Variants in DACH1 observed in about 807,000 individuals in gnomAD.
DACH1 encodes the protein dachshund family transcription factor 1.
DACH1 carries 12 observed loss-of-function variants against 54.2 expected under a neutral mutation model. That is an observed-to-expected ratio of 0.22 (90% confidence interval 0.14 to 0.36). The LOEUF (loss-of-function observed/expected upper bound fraction) is 0.36, where lower values mean the gene tolerates loss of function less well. DACH1 is among the 10% of genes least tolerant of loss of function. DACH1 has a pLI of 1.00. For missense variants in DACH1, 805 were observed against 929.8 expected, an observed-to-expected ratio of 0.87 and a Z score of 1.75; for synonymous variants, 386 against 366.2, an observed-to-expected ratio of 1.05 and a Z score of -0.62.
At chr13:71,656,921 C>CATATATATATAT (rs71123235) in intron 2 of DACH1, among the ~76,000 whole-genome samples, 3,348 of 83,184 alleles carry the variant, frequency 0.04, 124 homozygotes, top group East Asian at 0.068. Flanking sequence ...GTTCTTCTTT[C>CATATATATATAT]ATATATATAT....
chr13:71,455,675 T>G (rs181779831), intron 10 of DACH1, among the ~76,000 whole-genome samples: 1 of 152,082 alleles, frequency 6.6e-6, no homozygotes, highest in Non-Finnish European at 1.5e-5. Context: ...TTTAATGAAC[T>G]GACAAAAAGC....
intron 7 of DACH1, among the ~76,000 whole-genome samples, chr13:71,479,625 T>C (rs1877864658): frequency 6.6e-6 from 1 of 152,100 alleles, no homozygotes; most frequent in South Asian, 2.1e-4. Flanking sequence ...GGGCAGCACA[T>C]AAGCATGTCT....
chr13:71,645,145 G>A (rs1487262271), intron 2 of DACH1, among the ~76,000 whole-genome samples: 1 of 152,166 alleles, frequency 6.6e-6, no homozygotes, highest in African/African-American at 2.4e-5. Context: ...TTTTACGCAA[G>A]AAACCATAAA....
At position 71,505,524 on chromosome 13, in the gene DACH1, ATGAT is replaced by A. The variant is rs371011479; in HGVS notation, c.1571-16380_1571-16377del. Among the ~76,000 whole-genome samples, 28 of 152,236 alleles carry A rather than the reference ATGAT, an allele frequency of 1.8e-4. No homozygotes were observed. In the East Asian group the frequency reaches 4.2e-3, roughly 23 times the overall value. The stretch of plus-strand genomic sequence containing the variant: ...TGTGTGTTTGTGTGTGTATACCTAA[ATGAT>A]TGCACACCACACATACACTTAGTTA... On this transcript the variant is annotated intron_variant, in intron 6 of 10. Transcript: ENST00000613252.
intron 1 of DACH1, among the ~76,000 whole-genome samples, chr13:71,687,577 T>C (rs1000848608): frequency 6.6e-6 from 1 of 152,208 alleles, no homozygotes; most frequent in Non-Finnish European, 1.5e-5. Context: ...CGTTTCTCTG[T>C]CATAAACATA....
chr13:71,630,612 G>T lies in DACH1; in HGVS notation c.1070C>A (p.Ala357Asp). 3 of 1,611,246 alleles carry T rather than the reference G, an allele frequency of 1.9e-6. No homozygotes were observed. Among genetic ancestry groups the T allele is most frequent in the Non-Finnish European group, 2.5e-6 (3 of 1,179,124 alleles). Residue 357 changes from alanine to aspartate, a missense_variant, in exon 3 of 11, where the codon GCC becomes GAC. Around this residue, in one of 3 missense-constraint regions of DACH1, gnomAD observed 472 missense variants for 545.3 expected, o/e 0.87. Coordinates refer to ENST00000613252, the MANE Select transcript of DACH1 (RefSeq NM_080759.6). ...IKLEAMSNYH[A>D]SNNQHGADSE... is the part of the protein sequence containing the mutation. ...GTCTGCTCCATGTTGGTTATTACTG[G>T]CATGATAGTTGCTCATGGCTTCTAA...
At position 71,464,638 on chromosome 13, in the gene DACH1, T is replaced by A. The variant is rs781123471; in HGVS notation, c.2083+10503A>T. On this transcript the variant is annotated intron_variant, in intron 10 of 10. Transcript: ENST00000613252. ...CCATGCAAATATTTTATGAAGACAA[T>A]TAAGGGAACCATTAATTACTGCTTT... The A allele has an allele frequency of 1.6e-5, 7 of 448,720 alleles. No homozygotes were observed. The Admixed American group carries it at 1.7e-4, about 11-fold the overall frequency. The allele number at this position is 448,720 out of a possible 1,614,324, so 27.8% of individuals were successfully genotyped here. A position where few individuals can be genotyped will look rare whatever the true frequency, so the allele number is the denominator to read the frequency against.
At chr13:71,453,507 G>GA (rs1167197967) in intron 10 of DACH1, among the ~76,000 whole-genome samples, 2 of 151,858 alleles carry the variant, frequency 1.3e-5, no homozygotes, top group South Asian at 2.1e-4. Flanking sequence ...TTATCTCTAA[G>GA]AAAAAAACCA....
At chr13:71,746,517 A>T (rs1052448766) in intron 1 of DACH1, among the ~76,000 whole-genome samples, 1 of 152,198 alleles carries the variant, frequency 6.6e-6, no homozygotes, top group African/African-American at 2.4e-5. Flanking sequence ...AAAAATTCCC[A>T]GGTCACTGGA....
chr13:71,524,259 G>A (rs1881802279), intron 6 of DACH1, among the ~76,000 whole-genome samples: 1 of 152,068 alleles, frequency 6.6e-6, no homozygotes, highest in Non-Finnish European at 1.5e-5. Flanking sequence ...AAATCTGTAT[G>A]GCAAATAATG....
intron 6 of DACH1, among the ~76,000 whole-genome samples, chr13:71,556,326 T>C (rs973672227): frequency 1.6e-4 from 24 of 152,078 alleles, no homozygotes; most frequent in Non-Finnish European, 2.5e-4. Context: ...TAAGTTAAAA[T>C]AAAAAATAGG....
At chr13:71,700,691 C>A (rs989338786) in intron 1 of DACH1, among the ~76,000 whole-genome samples, 2 of 151,658 alleles carry the variant, frequency 1.3e-5, no homozygotes, top group African/African-American at 4.8e-5. Context: ...ACTGTGACTA[C>A]CTGGACAGCC....
At chr13:71,616,449 C>G (rs1447534883) in intron 3 of DACH1, among the ~76,000 whole-genome samples, 1 of 152,114 alleles carries the variant, frequency 6.6e-6, no homozygotes, top group African/African-American at 2.4e-5. Context: ...TTGTTTTTCT[C>G]TAAATGAGAA....
intron 6 of DACH1, among the ~76,000 whole-genome samples, chr13:71,530,528 C>G (rs1012125796): frequency 3.9e-5 from 6 of 151,974 alleles, no homozygotes; most frequent in African/African-American, 1.4e-4. Flanking sequence ...AAGGGTTGGC[C>G]GAGAACCCAT....
At chr13:71,740,854 G>T (rs1051947946) in intron 1 of DACH1, among the ~76,000 whole-genome samples, 9 of 152,010 alleles carry the variant, frequency 5.9e-5, no homozygotes, top group African/African-American at 1.9e-4. Flanking sequence ...TTATAACATA[G>T]ATTTGAATAT....
chr13:71,610,488 C>T (rs1277102744), intron 3 of DACH1, among the ~76,000 whole-genome samples: 1 of 152,066 alleles, frequency 6.6e-6, no homozygotes, highest in African/African-American at 2.4e-5. Context: ...AACTACAAAG[C>T]ATCTCATAAT....
chr13:71,471,783 G>A (rs971138334), intron 10 of DACH1, among the ~76,000 whole-genome samples: 3 of 151,878 alleles, frequency 2.0e-5, no homozygotes, highest in Admixed American at 6.6e-5. Context: ...GAAAAAAGAA[G>A]GAAACTATGA....
chr13:71,517,683 A>C (rs184037689), intron 6 of DACH1, among the ~76,000 whole-genome samples: 1 of 151,972 alleles, frequency 6.6e-6, no homozygotes. Flanking sequence ...CATTAGGGGA[A>C]ACATACTCTA....
At position 71,516,416 on chromosome 13, in the gene DACH1, T is replaced by C. The variant is rs531566213; in HGVS notation, c.1571-27268A>G. On this transcript the variant is annotated intron_variant, in intron 6 of 10. Transcript: ENST00000613252. ...CTAGCTGACACTGCATACCTGCAACTTTAATAGGTCCTTTGGAAAAATCAA... is the reference window on the plus strand; with the variant it reads ...CTAGCTGACACTGCATACCTGCAACCTTAATAGGTCCTTTGGAAAAATCAA... Among the ~76,000 whole-genome samples, 75 of 151,916 alleles carry C rather than the reference T, an allele frequency of 4.9e-4. 1 individual carries two copies. Among genetic ancestry groups the C allele is most frequent in the South Asian group, 2.7e-3 (13 of 4,826 alleles).
Sources: gnomAD v4.1 joint callset for allele counts (sites outside exome capture counted in the v4.1 genomes callset) on GRCh38, gnomAD v4.1.1 for gene constraint, gnomAD v4.1.1 regional missense constraint, MANE v1.5 for transcripts, NCBI Gene and HGNC (gene_info 2026-07-23, HGNC 2026-07-21) for gene names.